Variants in ADPRHL1 observed in about 807,000 individuals in gnomAD.
ADPRHL1 encodes the protein inactive ADP-ribosyltransferase ARH2.
A neutral mutation model predicts 44.1 loss-of-function variants in ADPRHL1; 43 were observed. That is an observed-to-expected ratio of 0.98 (90% CI 0.76 to 1.26). The LOEUF is 1.26. ADPRHL1 is among the 50% of genes most tolerant of loss of function. The pLI is 0.00. For missense variants in ADPRHL1, 2,022 were observed against 2,496.9 expected, an observed-to-expected ratio of 0.81 and a Z score of 4.05; for synonymous variants, 878 against 1,017.4, an observed-to-expected ratio of 0.86 and a Z score of 2.61.
intron 7 of ADPRHL1, among the ~76,000 whole-genome samples, chr13:113,421,381 C>T (rs1267143368): frequency 6.8e-6 from 1 of 146,634 alleles, no homozygotes; most frequent in African/African-American, 2.5e-5. Context: ...CTGGGACACG[C>T]CCACCCCCGG....
At chr13:113,446,347 C>T (rs1454631929) in intron 1 of ADPRHL1, among the ~76,000 whole-genome samples, 10 of 151,964 alleles carry the variant, frequency 6.6e-5, no homozygotes, top group African/African-American at 9.7e-5. Flanking sequence ...AGAGGGCTCC[C>T]GTGGCTGCAA....
At chr13:113,445,514 C>T (rs1383155530) in intron 1 of ADPRHL1, among the ~76,000 whole-genome samples, 1 of 152,232 alleles carries the variant, frequency 6.6e-6, no homozygotes, top group Non-Finnish European at 1.5e-5. Context: ...AACTTGTTTT[C>T]ATTTTGTACT....
Position 113,409,613 on chromosome 13 carries a change from C to G in ADPRHL1, c.1062-1393G>C, listed in dbSNP as rs556868458. 7.1e-6 allele frequency: 7 copies of G among 985,154 alleles called. No homozygotes were observed. The highest frequency in any genetic ancestry group is 8.4e-6 in the Non-Finnish European group (7 of 829,922). 61.0% of individuals were successfully genotyped at this position (985,154 alleles called of 1,614,324 possible). The stretch of plus-strand genomic sequence containing the variant: ...TTTTTAAGAAGCTGAGGCCGGGCGC[C>G]GTGGCTCACGCCTGTAATCTCAGCG... On this transcript the variant is annotated intron_variant, in intron 7 of 7. Transcript: ENST00000612156. The surrounding 1 kb of genome is among the most constrained non-coding windows in gnomAD (Gnocchi z 4.2).
In ADPRHL1 at chr13:113,400,873, G is replaced by A. The variant is rs1332183183; in HGVS notation, c.*2505C>T. 1 of 152,064 alleles carries A rather than the reference G, an allele frequency of 6.6e-6. No homozygotes were observed. The highest frequency in any genetic ancestry group is 2.4e-5 in the African/African-American group (1 of 41,304). 9.4% of individuals were successfully genotyped at this position (152,064 alleles called of 1,614,324 possible). A position where few individuals can be genotyped will look rare whatever the true frequency, so the allele number is the denominator to read the frequency against. ...GGGGTTCAGGCACGACACTTCCGGA[G>A]CTGTCATCTGGAGGAGATTCTCATC... is the stretch of plus-strand genomic sequence containing the variant. On this transcript the variant is annotated 3_prime_UTR_variant, in exon 8 of 8. Transcript: ENST00000612156.
chr13:113,422,758 C>T (rs912994072), intron 7 of ADPRHL1, 68 bp downstream of exon 7: 19 of 1,587,572 alleles, frequency 1.2e-5, no homozygotes, highest in Middle Eastern at 1.7e-4. Context: ...CCAGGGGCTG[C>T]GAGAGGGCCC....
At chr13:113,429,331 GCCCT>G (rs1595547421) in intron 3 of ADPRHL1, among the ~76,000 whole-genome samples, 1 of 151,864 alleles carries the variant, frequency 6.6e-6, no homozygotes, top group African/African-American at 2.4e-5. Flanking sequence ...TCACCCCACC[GCCCT>G]CCCCAGGCCC....
intron 7 of ADPRHL1, among the ~76,000 whole-genome samples, chr13:113,415,254 G>C (rs371898952): frequency 4.6e-5 from 7 of 152,210 alleles, no homozygotes; most frequent in African/African-American, 1.7e-4. Flanking sequence ...TGTCCGGGTG[G>C]GGCAGGGTGA....
chr13:113,426,952 G>C (rs2043972815), intron 4 of ADPRHL1, among the ~76,000 whole-genome samples: 1 of 152,226 alleles, frequency 6.6e-6, no homozygotes, highest in Admixed American at 6.5e-5. Context: ...TGTCCTACGG[G>C]ACTTAACGAT....
rs1566467659 is a variant in ADPRHL1, at chr13:113,412,780, CA to C, written c.1062-4561del. 2.5e-4 allele frequency among the ~76,000 whole-genome samples: 26 copies of C among 103,210 alleles called. 1 individual carries two copies. The highest frequency in any genetic ancestry group is 4.8e-4 in the East Asian group (2 of 4,162). The allele number at this position is 103,210 out of a possible 152,430, so 67.7% of individuals were successfully genotyped here. On this transcript the variant is annotated intron_variant, in intron 7 of 7. Coordinates refer to ENST00000612156, the MANE Select transcript of ADPRHL1 (RefSeq NM_001394807.1). ...TTCACCCACCGCCAACAGCGCCCCGCAGAACTCGGTTCACCCACCGCCAACA... is the reference window on the plus strand; with the variant it reads ...TTCACCCACCGCCAACAGCGCCCCGCGAACTCGGTTCACCCACCGCCAACA...
chr13:113,417,292 C>G (rs1398390218), intron 7 of ADPRHL1, among the ~76,000 whole-genome samples: 1 of 152,238 alleles, frequency 6.6e-6, no homozygotes, highest in Non-Finnish European at 1.5e-5. Context: ...TGCAGCCTGT[C>G]TTGCCCGAGG....
At chr13:113,419,981 AG>A (rs1451708943) in intron 7 of ADPRHL1, among the ~76,000 whole-genome samples, 1 of 151,944 alleles carries the variant, frequency 6.6e-6, no homozygotes, top group Non-Finnish European at 1.5e-5. Context: ...TGTCTCACAC[AG>A]GCACACAGCT....
chr13:113,430,885 A>AC (rs1245930533), intron 3 of ADPRHL1, among the ~76,000 whole-genome samples: 1 of 151,810 alleles, frequency 6.6e-6, no homozygotes, highest in Non-Finnish European at 1.5e-5. Flanking sequence ...GGGAGCAGTG[A>AC]CCCCCGTTGC....
chr13:113,403,132 C>G lies in ADPRHL1; in HGVS notation c.*246G>C. ...TGAAGACACAAAGAATCCCGAGGGC[C>G]TGGTGAGGCCACAGGCCCGCACCTC... is the stretch of plus-strand genomic sequence containing the variant. On this transcript the variant is annotated 3_prime_UTR_variant, in exon 8 of 8. Transcript: ENST00000612156. 1 of 345,434 alleles carries G rather than the reference C, an allele frequency of 2.9e-6. No homozygotes were observed. The highest frequency in any genetic ancestry group is 5.2e-6 in the Non-Finnish European group (1 of 192,774). 21.4% of individuals were successfully genotyped at this position (345,434 alleles called of 1,614,324 possible).
intron 7 of ADPRHL1, among the ~76,000 whole-genome samples, chr13:113,414,825 G>C (rs562606038): frequency 6.6e-6 from 1 of 152,008 alleles, no homozygotes; most frequent in East Asian, 1.9e-4. Flanking sequence ...ACAGGGGCCC[G>C]CCACCACGCC....
intron 7 of ADPRHL1, among the ~76,000 whole-genome samples, chr13:113,408,755 G>T (rs1353835994): frequency 6.7e-6 from 1 of 150,326 alleles, no homozygotes; most frequent in Non-Finnish European, 1.5e-5. Flanking sequence ...GCTCAGGCTT[G>T]GGGTGGGCGG....
intron 1 of ADPRHL1, among the ~76,000 whole-genome samples, chr13:113,450,030 T>C (rs2044168636): frequency 6.6e-6 from 1 of 152,228 alleles, no homozygotes; most frequent in South Asian, 2.1e-4. Flanking sequence ...GAGGATAACA[T>C]GCGTGAAGCA....
At chr13:113,445,203 C>A (rs1482206754) in intron 1 of ADPRHL1, among the ~76,000 whole-genome samples, 2 of 152,254 alleles carry the variant, frequency 1.3e-5, no homozygotes, top group African/African-American at 4.8e-5. Context: ...AGCCCTATGC[C>A]CAGCACGCGG....
At chr13:113,443,686 T>C (rs2044114714) in intron 2 of ADPRHL1, among the ~76,000 whole-genome samples, 1 of 151,832 alleles carries the variant, frequency 6.6e-6, no homozygotes, top group Non-Finnish European at 1.5e-5. Flanking sequence ...GGCTCACGCC[T>C]GTAATCCCAC....
At position 113,405,418 on chromosome 13, in the gene ADPRHL1, C is replaced by T. The variant is rs1051138256; in HGVS notation, c.3864G>A (p.Pro1288=). The T allele has an allele frequency of 2.4e-5, 29 of 1,231,854 alleles. No homozygotes were observed. Among genetic ancestry groups the T allele is most frequent in the Middle Eastern group, 3.1e-4 (1 of 3,228 alleles). The allele number at this position is 1,231,854 out of a possible 1,614,324, so 76.3% of individuals were successfully genotyped here. The stretch of plus-strand genomic sequence containing the variant: ...TTGCCTGTGGGTTCTCAGGAGGCGA[C>T]GGCGGGAGGCCAGGGCCATAGCTGG... ...ESPSYGPGLP[P]SPPENPQAKG... Residue 1288 remains proline (P), a synonymous_variant, in exon 8 of 8, where the codon CCG becomes CCA. Coordinates refer to ENST00000612156, the MANE Select transcript of ADPRHL1 (RefSeq NM_001394807.1).
Sources: gnomAD v4.1 joint callset for allele counts (sites outside exome capture counted in the v4.1 genomes callset) on GRCh38, gnomAD v4.1.1 for gene constraint, Gnocchi (gnomAD v3.1) non-coding constraint, MANE v1.5 for transcripts, NCBI Gene and HGNC (gene_info 2026-07-23, HGNC 2026-07-21) for gene names.